Variants in DAB1 observed in about 807,000 individuals in gnomAD.
DAB1 encodes disabled homolog 1.
In DAB1, 15 loss-of-function variants were observed where a neutral mutation model predicts 64.6. The ratio of observed to expected loss-of-function variants is 0.23; its 90% CI spans 0.16 to 0.36. The LOEUF (loss-of-function observed/expected upper bound fraction) is 0.36. DAB1 is among the 10% of genes least tolerant of loss of function. The probability of loss-of-function intolerance (pLI) is 1.00; values close to 1 mark genes in which losing one functional copy is unlikely to be tolerated. For missense variants in DAB1, 596 were observed against 706.7 expected, an observed-to-expected ratio of 0.84 and a Z score of 1.78; for synonymous variants, 235 against 251.9, an observed-to-expected ratio of 0.93 and a Z score of 0.64.
intron 1 of DAB1, among the ~76,000 whole-genome samples, chr1:57,828,598 T>G (rs1470835884): frequency 6.6e-6 from 1 of 152,218 alleles, no homozygotes; most frequent in African/African-American, 2.4e-5. Flanking sequence ...GATGCAGCCA[T>G]GTATGCATGT....
chr1:57,631,911 C>G (rs140251586), intron 7 of DAB1, among the ~76,000 whole-genome samples: 15 of 152,232 alleles, frequency 9.9e-5, no homozygotes, highest in African/African-American at 3.1e-4. Flanking sequence ...GTTACCAGGA[C>G]ACAGGACCCT....
intron 5 of DAB1, among the ~76,000 whole-genome samples, chr1:58,074,776 T>C (rs961886565): frequency 2.0e-5 from 3 of 151,652 alleles, no homozygotes; most frequent in African/African-American, 4.9e-5. Flanking sequence ...ATAAGAAACT[T>C]TGCCACAGCA....
At chr1:57,121,212 A>G (rs1278484216) in intron 4 of DAB1, among the ~76,000 whole-genome samples, 1 of 151,080 alleles carries the variant, frequency 6.6e-6, no homozygotes, top group Admixed American at 6.6e-5. Flanking sequence ...GAGAAGAAGG[A>G]GAAGGAGGGG....
At chr1:57,430,675 A>G (rs543837532) in intron 7 of DAB1, among the ~76,000 whole-genome samples, 8 of 152,130 alleles carry the variant, frequency 5.3e-5, no homozygotes, top group Non-Finnish European at 1.0e-4. Flanking sequence ...TTAATAAAGT[A>G]CAATAGGAAC....
intron 5 of DAB1, among the ~76,000 whole-genome samples, chr1:57,983,108 C>G (rs1243250451): frequency 6.6e-6 from 1 of 152,154 alleles, no homozygotes; most frequent in Non-Finnish European, 1.5e-5. Flanking sequence ...GATCATTGGT[C>G]ATTCCTCTTT....
At chr1:57,897,734 T>C (rs1232081165) in intron 5 of DAB1, among the ~76,000 whole-genome samples, 1 of 152,096 alleles carries the variant, frequency 6.6e-6, no homozygotes, top group Non-Finnish European at 1.5e-5. Context: ...TTGTAGGGAA[T>C]GCAGGAATGT....
intron 1 of DAB1, among the ~76,000 whole-genome samples, chr1:57,857,632 T>C (rs1180889911): frequency 6.6e-6 from 1 of 152,168 alleles, no homozygotes; most frequent in African/African-American, 2.4e-5. Context: ...AGTTAGAAAG[T>C]TGCCACGAGT....
intron 5 of DAB1, among the ~76,000 whole-genome samples, chr1:58,133,824 T>C (rs1315885233): frequency 2.6e-5 from 4 of 152,226 alleles, no homozygotes; most frequent in Non-Finnish European, 4.4e-5. Flanking sequence ...CATCAGTGAA[T>C]GCAATTTTTC....
intron 2 of DAB1, among the ~76,000 whole-genome samples, chr1:57,159,418 T>A (rs1557834799): frequency 6.6e-6 from 1 of 152,120 alleles, no homozygotes; most frequent in African/African-American, 2.4e-5. Flanking sequence ...TCCCTGGTGG[T>A]GGTTCCCACA....
chr1:58,229,813 A>C (rs568538065), intron 4 of DAB1, among the ~76,000 whole-genome samples: 4 of 152,314 alleles, frequency 2.6e-5, no homozygotes, highest in Admixed American at 2.0e-4. Context: ...AAGCAGTACG[A>C]CTAAAAATTC....
intron 9 of DAB1, among the ~76,000 whole-genome samples, chr1:57,031,164 T>C (rs1181231170): frequency 6.6e-6 from 1 of 152,238 alleles, no homozygotes; most frequent in Admixed American, 6.5e-5. Flanking sequence ...AGATTGTTAT[T>C]TCATTCCATT....
At chr1:57,685,670 T>C (rs1646688508) in intron 6 of DAB1, among the ~76,000 whole-genome samples, 1 of 152,130 alleles carries the variant, frequency 6.6e-6, no homozygotes, top group South Asian at 2.1e-4. Context: ...ATAAAGCAAG[T>C]CTCAATGACT....
chr1:57,757,237 G>T, intron 6 of DAB1, among the ~76,000 whole-genome samples: 1 of 107,576 alleles, frequency 9.3e-6, no homozygotes, highest in Non-Finnish European at 2.1e-5. Flanking sequence ...AATGATGGAG[G>T]CTAACAGCCC....
At chr1:57,112,905 A>G (rs974667616) in intron 4 of DAB1, among the ~76,000 whole-genome samples, 6 of 152,354 alleles carry the variant, frequency 3.9e-5, no homozygotes, top group Non-Finnish European at 8.8e-5. Context: ...TGACAAATAT[A>G]CATTCAATCA....
intron 6 of DAB1, among the ~76,000 whole-genome samples, chr1:57,795,310 T>C (rs2101864413): frequency 6.6e-6 from 1 of 152,272 alleles, no homozygotes; most frequent in South Asian, 2.1e-4. Context: ...GTTTTCTAAA[T>C]TTATTTGAGC....
chr1:57,595,228 A>G (rs1645493260), intron 7 of DAB1, among the ~76,000 whole-genome samples: 1 of 151,732 alleles, frequency 6.6e-6, no homozygotes. Flanking sequence ...TTAGATTCTA[A>G]AATTTTTTTT....
intron 5 of DAB1, chr1:58,150,454 T>C (rs1654855150): frequency 6.6e-6 from 1 of 152,132 alleles, no homozygotes; most frequent in Non-Finnish European, 1.5e-5. Context: ...TTACTAAAAA[T>C]AACTGGAAGA....
At chr1:57,419,749 C>T (rs906751255) in intron 1 of DAB1, among the ~76,000 whole-genome samples, 1 of 152,180 alleles carries the variant, frequency 6.6e-6, no homozygotes, top group Non-Finnish European at 1.5e-5. Flanking sequence ...ACTGTTATTT[C>T]ATTATAAAGA....
intron 7 of DAB1, among the ~76,000 whole-genome samples, chr1:57,579,227 G>C (rs576635133): frequency 1.1e-4 from 16 of 152,188 alleles, no homozygotes; most frequent in African/African-American, 1.2e-4. Context: ...ATTTGTTTTA[G>C]TTTTAGCAGG....
Sources: gnomAD v4.1 joint callset for allele counts (sites outside exome capture counted in the v4.1 genomes callset) on GRCh38, gnomAD v4.1.1 for gene constraint, MANE v1.5 for transcripts, NCBI Gene and HGNC (gene_info 2026-07-23, HGNC 2026-07-21) for gene names.